Variants in NSUN3 observed in about 807,000 individuals in gnomAD.
NSUN3 encodes NOP2/Sun RNA methyltransferase 3.
Under a neutral mutation model 36.8 loss-of-function variants are expected in NSUN3, and 24 were observed. The ratio of observed to expected loss-of-function variants is 0.65; its 90% CI spans 0.47 to 0.92. NSUN3 has a LOEUF of 0.92. NSUN3 is among the 40% of genes least tolerant of loss of function. The pLI is 0.00. For synonymous variants in NSUN3, 146 were observed against 145.2 expected, an observed-to-expected ratio of 1.01 and a Z score of -0.04; for missense variants, 381 against 392.8, an observed-to-expected ratio of 0.97 and a Z score of 0.25.
At chr3:94,095,488 C>T (rs895483058) in intron 5 of NSUN3, among the ~76,000 whole-genome samples, 1 of 152,154 alleles carries the variant, frequency 6.6e-6, no homozygotes, top group Admixed American at 6.5e-5. Context: ...ATCTGAGCAG[C>T]CCCTTAGGAA....
chr3:94,117,889 G>A (rs2077446826), intron 5 of NSUN3, among the ~76,000 whole-genome samples: 1 of 152,146 alleles, frequency 6.6e-6, no homozygotes, highest in South Asian at 2.1e-4. Context: ...AAGGGAATAT[G>A]TGTGTTTCGG....
intron 5 of NSUN3, among the ~76,000 whole-genome samples, chr3:94,110,311 T>TGATAGGAAGTTATCAGTGATAACTTTCAG (rs1560039887): frequency 2.3e-3 from 117 of 51,884 alleles, no homozygotes; most frequent in Admixed American, 2.6e-3. Context: ...ATAACTTTCA[T>TGATAGGAAGTTATCAGTGATAACTTTCAG]TGATAGGAAG....
At chr3:94,087,728 T>C (rs1266253521) in intron 3 of NSUN3, among the ~76,000 whole-genome samples, 1 of 152,184 alleles carries the variant, frequency 6.6e-6, no homozygotes, top group Non-Finnish European at 1.5e-5. Context: ...TGGAGTGCAG[T>C]GGTGCGATCT....
intron 2 of NSUN3, among the ~76,000 whole-genome samples, chr3:94,068,435 G>A (rs1323413047): frequency 6.6e-6 from 1 of 152,012 alleles, no homozygotes; most frequent in Non-Finnish European, 1.5e-5. Context: ...GACAAGGGAG[G>A]GTTTTGAAGA....
chr3:94,077,323 A>G (rs1304888199), intron 2 of NSUN3: 16 of 446,968 alleles, frequency 3.6e-5, no homozygotes, highest in Non-Finnish European at 8.1e-6. Context: ...TTGATGTGCT[A>G]CTGGATTTGG....
rs750299119 is a variant in NSUN3, at chr3:94,126,376, A to G, written c.909A>G (p.Thr303=). Residue 303 remains threonine (T), a synonymous_variant, in exon 6 of 6, where the codon ACA becomes ACG. Coordinates refer to ENST00000314622, the MANE Select transcript of NSUN3 (RefSeq NM_022072.5). ...GIARTCSHDF[T]FAPTGQECGL... is the part of the protein sequence containing the mutation. Reference sequence around the variant, plus strand: ...CAAGGACTTGCTCCCACGACTTCACATTTGCTCCCACTGGCCAGGAATGTG... The same window carrying G: ...CAAGGACTTGCTCCCACGACTTCACGTTTGCTCCCACTGGCCAGGAATGTG... The G allele has an allele frequency of 1.2e-6, 2 of 1,614,050 alleles. No homozygotes were observed. Among genetic ancestry groups the G allele is most frequent in the Non-Finnish European group, 1.7e-6 (2 of 1,180,040 alleles).
chr3:94,099,707 A>T (rs1449627960), intron 5 of NSUN3, among the ~76,000 whole-genome samples: 1 of 151,990 alleles, frequency 6.6e-6, no homozygotes, highest in East Asian at 1.9e-4. Context: ...CGGAGTCCTG[A>T]CATCTACAAG....
chr3:94,112,461 C>G (rs1243104221), intron 5 of NSUN3, among the ~76,000 whole-genome samples: 6 of 152,218 alleles, frequency 3.9e-5, no homozygotes, highest in Middle Eastern at 3.4e-3. Flanking sequence ...GAAAGAGACT[C>G]AAAATAATAG....
chr3:94,078,067 G>A (rs1434285058), intron 2 of NSUN3, among the ~76,000 whole-genome samples: 1 of 152,132 alleles, frequency 6.6e-6, no homozygotes, highest in Admixed American at 6.5e-5. Flanking sequence ...GCTTTCTCTT[G>A]TGAGCATTTA....
intron 5 of NSUN3, among the ~76,000 whole-genome samples, chr3:94,124,148 C>CTTTTTTTTTTTTTTTTTTTTTTTATTTT (rs58987431): frequency 3.4e-5 from 3 of 88,188 alleles, no homozygotes; most frequent in African/African-American, 9.2e-5. Flanking sequence ...TATTTTATTT[C>CTTTTTTTTTTTTTTTTTTTTTTTATTTT]TTTTTTTTTT....
At chr3:94,117,403 G>C (rs2077445106) in intron 5 of NSUN3, among the ~76,000 whole-genome samples, 1 of 152,136 alleles carries the variant, frequency 6.6e-6, no homozygotes, top group South Asian at 2.1e-4. Context: ...TCTGTGAACT[G>C]TCAAAAATCT....
chr3:94,097,168 G>A (rs1390163188), intron 5 of NSUN3, among the ~76,000 whole-genome samples: 1 of 151,560 alleles, frequency 6.6e-6, no homozygotes, highest in East Asian at 1.9e-4. Context: ...AATTATACAG[G>A]TAACACATGA....
intron 3 of NSUN3, among the ~76,000 whole-genome samples, chr3:94,086,762 G>A (rs147159561): frequency 3.9e-5 from 6 of 152,072 alleles, no homozygotes; most frequent in East Asian, 1.9e-4. Context: ...AGTTTACCTC[G>A]TTATTTTTAT....
rs997552024 is a variant in NSUN3 at position 94,127,268 on chromosome 3, C to T, written c.*778C>T. 6 of 152,314 alleles carry T rather than the reference C, an allele frequency of 3.9e-5. No homozygotes were observed. Among genetic ancestry groups the T allele is most frequent in the Non-Finnish European group, 7.4e-5 (5 of 68,022 alleles). The allele number at this position is 152,314 out of a possible 1,614,324, so 9.4% of individuals were successfully genotyped here. The stretch of plus-strand genomic sequence containing the variant: ...GAGACAAAACCGGAATGATTAATAA[C>T]TGCAATCACTGAACTATATTTGGAG... On this transcript the variant is annotated 3_prime_UTR_variant, in exon 6 of 6. Coordinates refer to ENST00000314622, the MANE Select transcript of NSUN3 (RefSeq NM_022072.5).
chr3:94,084,064 T>C, intron 2 of NSUN3, 43 bp from the exon 3 acceptor site: 1 of 1,379,624 alleles, frequency 7.2e-7, no homozygotes. Context: ...TATTGGTATG[T>C]ATCATATTAA....
intron 2 of NSUN3, among the ~76,000 whole-genome samples, chr3:94,064,830 A>G (rs2077197146): frequency 6.6e-6 from 1 of 152,248 alleles, no homozygotes; most frequent in African/African-American, 2.4e-5. Flanking sequence ...TAGTTTGACA[A>G]AATTAATTAT....
chr3:94,113,541 G>A (rs1428086417), intron 5 of NSUN3, among the ~76,000 whole-genome samples: 1 of 152,086 alleles, frequency 6.6e-6, no homozygotes, highest in African/African-American at 2.4e-5. Flanking sequence ...ATGGGGAGGC[G>A]GAGGCTAAAG....
intron 4 of NSUN3, 131 bp downstream of exon 4, chr3:94,094,425 GA>G (rs2077329009): frequency 2.3e-6 from 2 of 851,544 alleles, no homozygotes; most frequent in African/African-American, 3.5e-5. Context: ...GGAAAATTTT[GA>G]TAAAGTGAAC....
chr3:94,082,519 A>G (rs2077273796), intron 2 of NSUN3, among the ~76,000 whole-genome samples: 1 of 152,178 alleles, frequency 6.6e-6, no homozygotes, highest in South Asian at 2.1e-4. Context: ...AAGCAGTTTC[A>G]CGTATTAGCC....
Sources: gnomAD v4.1 joint callset for allele counts (sites outside exome capture counted in the v4.1 genomes callset) on GRCh38, gnomAD v4.1.1 for gene constraint, MANE v1.5 for transcripts, NCBI Gene and HGNC (gene_info 2026-07-23, HGNC 2026-07-21) for gene names.